The following OR56A3 variants were observed in gnomAD, a reference collection of about 807,000 sequenced individuals.
OR56A3 encodes the protein olfactory receptor family 56 subfamily A member 3.
In OR56A3, 23 loss-of-function variants were observed where a neutral mutation model predicts 17.5. That is an observed-to-expected ratio of 1.32 (90% confidence interval 0.95 to 1.87). The LOEUF (loss-of-function observed/expected upper bound fraction) is 1.87. OR56A3 is among the 40% of genes most tolerant of loss of function. The pLI, the probability that OR56A3 is intolerant of heterozygous loss-of-function variation, is 0.00. For missense variants in OR56A3, 366 were observed against 380.1 expected, an observed-to-expected ratio of 0.96 and a Z score of 0.31; for synonymous variants, 175 against 150.6, an observed-to-expected ratio of 1.16 and a Z score of -1.19.
the OR56A3 span, among the ~76,000 whole-genome samples, chr11:6,016,606 A>T: frequency 6.6e-6 from 1 of 152,212 alleles, no homozygotes; most frequent in African/African-American, 2.4e-5. Context: ...AGTGTGAAAA[A>T]GCAAGAAAAC....
the OR56A3 span, among the ~76,000 whole-genome samples, chr11:5,959,798 G>T: frequency 6.6e-6 from 1 of 152,080 alleles, no homozygotes; most frequent in Non-Finnish European, 1.5e-5. Flanking sequence ...TTCAGAGTTT[G>T]GGTTCTCATA....
At chr11:6,015,371 C>CTGAGG in the OR56A3 span, among the ~76,000 whole-genome samples, 61,389 of 151,910 alleles carry the variant, frequency 0.4, 13,099 homozygotes, top group African/African-American at 0.54. Flanking sequence ...TTCAAAGTGG[C>CTGAGG]TCAGGTATAC....
the OR56A3 span, among the ~76,000 whole-genome samples, chr11:5,998,731 G>A: frequency 6.6e-6 from 1 of 152,160 alleles, no homozygotes; most frequent in African/African-American, 2.4e-5. Flanking sequence ...CTATTTTATA[G>A]GTAAACTGAG....
the OR56A3 span, chr11:5,985,765 C>A: frequency 3.5e-6 from 2 of 577,130 alleles, no homozygotes; most frequent in South Asian, 6.1e-5. Context: ...TCCAGATATC[C>A]AGGTACATCC....
the OR56A3 span, among the ~76,000 whole-genome samples, chr11:5,976,712 CT>C: frequency 2.0e-5 from 3 of 151,504 alleles, no homozygotes; most frequent in Non-Finnish European, 2.9e-5. Context: ...CTTCGCTTGT[CT>C]TTTTTTTCAC....
chr11:5,967,563 C>T, the OR56A3 span: 2 of 1,587,178 alleles, frequency 1.3e-6, no homozygotes, highest in African/African-American at 2.7e-5. Context: ...TTACAACCTC[C>T]TCAGCAGGTT....
chr11:5,991,582 T>C, the OR56A3 span, among the ~76,000 whole-genome samples: 1 of 152,082 alleles, frequency 6.6e-6, no homozygotes, highest in African/African-American at 2.4e-5. Context: ...CTAAGAAGTG[T>C]CAGACCAGAG....
chr11:6,004,483 A>T, the OR56A3 span, among the ~76,000 whole-genome samples: 1 of 152,268 alleles, frequency 6.6e-6, no homozygotes, highest in Non-Finnish European at 1.5e-5. Flanking sequence ...AGAAGATATT[A>T]GAAGACTTTA....
At chr11:5,985,610 C>T in the OR56A3 span, among the ~76,000 whole-genome samples, 4 of 152,174 alleles carry the variant, frequency 2.6e-5, no homozygotes, top group Admixed American at 6.5e-5. Context: ...GACAGTGTTG[C>T]ATGGCCTACC....
At chr11:5,986,085 A>G in the OR56A3 span, 46 of 1,613,906 alleles carry the variant, frequency 2.9e-5, no homozygotes, top group Non-Finnish European at 3.9e-5. Flanking sequence ...CATGATGACC[A>G]AAGCGGTGAG....
At chr11:6,003,874 A>G in the OR56A3 span, among the ~76,000 whole-genome samples, 1 of 152,140 alleles carries the variant, frequency 6.6e-6, no homozygotes, top group African/African-American at 2.4e-5. Flanking sequence ...AAGTAAAATT[A>G]CCTATTCTTC....
At chr11:5,956,315 T>C (rs1361970333), downstream of OR56A3, among the ~76,000 whole-genome samples, 1 of 152,250 alleles carries the variant, frequency 6.6e-6, no homozygotes, top group Non-Finnish European at 1.5e-5. Context: ...TCAGATTTGC[T>C]TCAGCTTCAA....
the OR56A3 span, among the ~76,000 whole-genome samples, chr11:5,970,848 G>A: frequency 6.6e-6 from 1 of 152,066 alleles, no homozygotes; most frequent in Non-Finnish European, 1.5e-5. Flanking sequence ...TTTATTTCAT[G>A]TTGTTTTTAC....
At chr11:5,958,746 T>C in the OR56A3 span, among the ~76,000 whole-genome samples, 1,040 of 152,240 alleles carry the variant, frequency 6.8e-3, 14 homozygotes, top group African/African-American at 0.024. Context: ...TCTATCTAAT[T>C]GCAATTATGT....
the OR56A3 span, among the ~76,000 whole-genome samples, chr11:5,990,311 T>C: frequency 6.6e-6 from 1 of 152,228 alleles, no homozygotes; most frequent in Admixed American, 6.5e-5. Flanking sequence ...AGAGGCTAAA[T>C]TTAAGCATAG....
At chr11:5,955,702 T>C (rs1302676336), downstream of OR56A3, among the ~76,000 whole-genome samples, 1 of 152,208 alleles carries the variant, frequency 6.6e-6, no homozygotes. Flanking sequence ...GCCAGGCAGC[T>C]CTACTAACAG....
the OR56A3 span, chr11:6,021,289 C>A: frequency 2.0e-5 from 3 of 151,962 alleles, no homozygotes; most frequent in Non-Finnish European, 2.9e-5. Context: ...ATTGATCCTA[C>A]ACAAATTACA....
chr11:5,944,156 C>T (rs1308993688), intron 1 of OR56A3, among the ~76,000 whole-genome samples: 1 of 152,190 alleles, frequency 6.6e-6, no homozygotes, highest in African/African-American at 2.4e-5. Context: ...GTATGTCTTA[C>T]TCTCAGTGAG....
chr11:5,947,484 C>T lies in OR56A3; in HGVS notation c.138C>T (p.Asn46=), dbSNP rs753217929. 2 of 1,614,034 alleles carry T rather than the reference C, an allele frequency of 1.2e-6. No individual in the cohort carries two copies. Among genetic ancestry groups the T allele is most frequent in the South Asian group, 2.2e-5 (2 of 91,074 alleles). Residue 46 remains asparagine, a synonymous_variant, in exon 3 of 3, where the codon AAC becomes AAT. Coordinates refer to ENST00000641160, the MANE Select transcript of OR56A3 (RefSeq NM_001003443.3). ...SLLFLLAVGA[N]TTLLMTIWLE... is the part of the protein sequence containing the mutation. ...TTTTCCTCTTGGCCGTAGGGGCCAA[C>T]ACCACCCTCCTGATGACCATCTGGC...
Sources: allele counts gnomAD v4.1 joint callset (sites outside exome capture counted in the v4.1 genomes callset), GRCh38; gene constraint gnomAD v4.1.1; transcripts MANE v1.5; gene names NCBI Gene and HGNC (gene_info 2026-07-23, HGNC 2026-07-21).